LRRC4C: variants seen among roughly 807,000 people sequenced by gnomAD.
LRRC4C encodes leucine rich repeat containing 4C.
Under a neutral mutation model 33.6 loss-of-function variants are expected in LRRC4C, and 5 were observed. The observed-to-expected ratio is 0.15, with a 90% CI of 0.08 to 0.31. The LOEUF is 0.31. Among genes scored for constraint, LRRC4C ranks in the 10% least tolerant of loss-of-function variants. The pLI is 1.00. For missense variants in LRRC4C, 560 were observed against 796.7 expected (o/e 0.70, Z 3.58); for synonymous variants, 329 against 302.0 (o/e 1.09, Z -0.93).
chr11:40,682,270 GAA>G (rs201342953), intron 2 of LRRC4C, among the ~76,000 whole-genome samples: 3 of 127,248 alleles, frequency 2.4e-5, no homozygotes. Flanking sequence ...GCCCCACCTT[GAA>G]AAAAAAAAAA....
At chr11:40,875,281 T>C (rs1036556884) in intron 2 of LRRC4C, among the ~76,000 whole-genome samples, 3 of 152,102 alleles carry the variant, frequency 2.0e-5, no homozygotes, top group African/African-American at 7.2e-5. Flanking sequence ...ATCTTACAAA[T>C]GAGGTGACAT....
intron 3 of LRRC4C, among the ~76,000 whole-genome samples, chr11:40,631,699 T>A (rs1180988445): frequency 2.0e-5 from 3 of 152,058 alleles, no homozygotes; most frequent in African/African-American, 4.8e-5. Context: ...TAAAAAAAAA[T>A]GTTGCTTGGA....
chr11:41,250,986 T>C (rs1259877908), intron 1 of LRRC4C, among the ~76,000 whole-genome samples: 1 of 152,224 alleles, frequency 6.6e-6, no homozygotes, highest in Non-Finnish European at 1.5e-5. Flanking sequence ...AGTTCTCTTA[T>C]ATTTTACATG....
At chr11:41,221,281 A>G (rs908210833) in intron 1 of LRRC4C, among the ~76,000 whole-genome samples, 2 of 150,168 alleles carry the variant, frequency 1.3e-5, no homozygotes, top group Admixed American at 1.3e-4. Flanking sequence ...GCGGCCAACC[A>G]TCATATGAAA....
intron 1 of LRRC4C, among the ~76,000 whole-genome samples, chr11:41,083,809 T>A (rs1939756059): frequency 6.6e-6 from 1 of 152,182 alleles, no homozygotes; most frequent in Non-Finnish European, 1.5e-5. Context: ...ATATGGGATA[T>A]CCAACTTTGG....
At chr11:41,119,135 G>A (rs1942293676) in intron 1 of LRRC4C, among the ~76,000 whole-genome samples, 1 of 151,606 alleles carries the variant, frequency 6.6e-6, no homozygotes, top group Non-Finnish European at 1.5e-5. Flanking sequence ...CTTTTTCATT[G>A]CCGTTTGCTG....
At chr11:40,618,223 CTGATGTCT>C (rs370480934) in intron 3 of LRRC4C, among the ~76,000 whole-genome samples, 4 of 151,426 alleles carry the variant, frequency 2.6e-5, no homozygotes, top group Non-Finnish European at 4.4e-5. Context: ...TCCACTATGA[CTGATGTCT>C]TTCTAAGTAG....
intron 3 of LRRC4C, among the ~76,000 whole-genome samples, chr11:40,564,000 A>G (rs1320280189): frequency 6.6e-6 from 1 of 152,208 alleles, no homozygotes; most frequent in Non-Finnish European, 1.5e-5. Context: ...AGGCCTGATA[A>G]GTATGAAAAT....
intron 1 of LRRC4C, among the ~76,000 whole-genome samples, chr11:41,200,974 A>T (rs781091506): frequency 2.6e-5 from 4 of 152,168 alleles, no homozygotes; most frequent in Non-Finnish European, 5.9e-5. Context: ...CACATATGAA[A>T]CTTGTATGCA....
rs1394695016 is a variant in LRRC4C at position 40,157,248 on chromosome 11, CA to C, written c.-95-16396del. Among the ~76,000 whole-genome samples, 4 of 152,130 alleles carry C rather than the reference CA, an allele frequency of 2.6e-5. No homozygotes were observed. In the South Asian group the frequency reaches 6.2e-4, roughly 24 times the overall value. On this transcript the variant is annotated intron_variant, in intron 5 of 6. Transcript: ENST00000528697. The stretch of plus-strand genomic sequence containing the variant: ...CTGGATCCTCATCTCTCACCTTATA[CA>C]AAAATCAACACAAGTTGGATTAAAG...
chr11:40,174,662 T>C (rs1860325754), intron 5 of LRRC4C, among the ~76,000 whole-genome samples: 1 of 152,216 alleles, frequency 6.6e-6, no homozygotes, highest in South Asian at 2.1e-4. Context: ...ATTTGTTTCC[T>C]ACACTATAAC....
At chr11:41,305,249 G>T (rs1459644068) in intron 1 of LRRC4C, among the ~76,000 whole-genome samples, 1 of 53,238 alleles carries the variant, frequency 1.9e-5, no homozygotes, top group East Asian at 6.9e-4. Context: ...CCCCCCGCCC[G>T]GCCAGCCGCC....
intron 3 of LRRC4C, among the ~76,000 whole-genome samples, chr11:40,427,766 G>A (rs1043529732): frequency 2.0e-5 from 3 of 152,034 alleles, no homozygotes; most frequent in African/African-American, 7.2e-5. Context: ...GGAGGTTGAG[G>A]CTACAGTGAA....
At chr11:40,709,775 A>C (rs1459247571) in intron 2 of LRRC4C, among the ~76,000 whole-genome samples, 1 of 152,150 alleles carries the variant, frequency 6.6e-6, no homozygotes, top group East Asian at 1.9e-4. Flanking sequence ...TAATATCCTG[A>C]AGAGTGTTTT....
chr11:40,548,983 T>C (rs1957033414), intron 3 of LRRC4C, among the ~76,000 whole-genome samples: 1 of 152,138 alleles, frequency 6.6e-6, no homozygotes, highest in South Asian at 2.1e-4. Context: ...TCTCTTTGAA[T>C]TCCTATATTC....
chr11:40,469,838 C>G (rs186478088), intron 3 of LRRC4C, among the ~76,000 whole-genome samples: 82 of 152,314 alleles, frequency 5.4e-4, no homozygotes, highest in Admixed American at 1.7e-3. Flanking sequence ...CTAGATTCCT[C>G]CTCTCTGGGA....
At chr11:40,278,423 C>T (rs1018288520) in intron 4 of LRRC4C, among the ~76,000 whole-genome samples, 1 of 152,130 alleles carries the variant, frequency 6.6e-6, no homozygotes. Context: ...GTATTCAAGG[C>T]GTTTTAAAGA....
At chr11:40,540,465 T>A (rs1956660548) in intron 3 of LRRC4C, among the ~76,000 whole-genome samples, 1 of 152,200 alleles carries the variant, frequency 6.6e-6, no homozygotes, top group Non-Finnish European at 1.5e-5. Flanking sequence ...GTGCAGCTTC[T>A]TCTTTGTCAG....
chr11:41,367,958 G>T (rs1252815127), intron 1 of LRRC4C, among the ~76,000 whole-genome samples: 3 of 152,074 alleles, frequency 2.0e-5, no homozygotes, highest in Non-Finnish European at 4.4e-5. Flanking sequence ...CCAGGTTTTT[G>T]GTCCAAGAGC....
Sources: allele counts gnomAD v4.1 joint callset (sites outside exome capture counted in the v4.1 genomes callset), GRCh38; gene constraint gnomAD v4.1.1; transcripts MANE v1.5; gene names NCBI Gene and HGNC (gene_info 2026-07-23, HGNC 2026-07-21).